Variants in NUP93 observed in about 807,000 individuals in gnomAD.
NUP93 encodes nuclear pore complex protein Nup93.
In NUP93, 55 loss-of-function variants were observed where a neutral mutation model predicts 107.8. The ratio of observed to expected loss-of-function variants is 0.51; its 90% CI spans 0.41 to 0.64. The LOEUF is 0.64. Among genes scored for constraint, NUP93 ranks in the 30% least tolerant of loss-of-function variants. NUP93 has a pLI of 0.00. For missense variants in NUP93, 937 were observed against 1,044.7 expected, an observed-to-expected ratio of 0.90 and a Z score of 1.42; for synonymous variants, 390 against 397.5, an observed-to-expected ratio of 0.98 and a Z score of 0.22.
At chr16:56,747,358 A>G (rs1261105148) in intron 1 of NUP93, among the ~76,000 whole-genome samples, 1 of 152,204 alleles carries the variant, frequency 6.6e-6, no homozygotes, top group Non-Finnish European at 1.5e-5. Flanking sequence ...AGGAGTTAAA[A>G]ACATTCTCTT....
intron 21 of NUP93, among the ~76,000 whole-genome samples, chr16:56,844,210 T>C (rs1215402002): frequency 6.6e-6 from 1 of 152,096 alleles, no homozygotes; most frequent in East Asian, 1.9e-4. Context: ...GCTAGCCAAA[T>C]GTGTTGGGGC....
intron 1 of NUP93, among the ~76,000 whole-genome samples, chr16:56,743,892 T>C (rs1215639041): frequency 6.6e-6 from 1 of 152,184 alleles, no homozygotes; most frequent in African/African-American, 2.4e-5. Context: ...GTCCTACTTA[T>C]AGGGAGAGTA....
At chr16:56,790,923 G>T (rs1307706428) in intron 3 of NUP93, among the ~76,000 whole-genome samples, 2 of 152,030 alleles carry the variant, frequency 1.3e-5, no homozygotes, top group African/African-American at 2.4e-5. Flanking sequence ...GCTGTTGCTT[G>T]TGTCTTAGCA....
At position 56,849,716 on chromosome 16, in the gene NUP93, C is replaced by G. The variant is rs1964155051; in HGVS notation, c.*5107C>G. On this transcript the variant is annotated 3_prime_UTR_variant, in exon 22 of 22. Coordinates refer to ENST00000308159, the MANE Select transcript of NUP93 (RefSeq NM_014669.5). ...TTCCTAGTGTAAGTATGTCCCAGTT[C>G]TATGTGGCTGCCCTACCTGGGCTTG... is the stretch of plus-strand genomic sequence containing the variant. 1 of 152,246 alleles carries G rather than the reference C, an allele frequency of 6.6e-6. No individual in the cohort carries two copies. The highest frequency in any genetic ancestry group is 2.4e-5 in the African/African-American group (1 of 41,458). 9.4% of individuals were successfully genotyped at this position (152,246 alleles called of 1,614,324 possible).
At chr16:56,816,823 C>T (rs1316497201) in intron 5 of NUP93, among the ~76,000 whole-genome samples, 1 of 152,150 alleles carries the variant, frequency 6.6e-6, no homozygotes, top group Admixed American at 6.5e-5. Flanking sequence ...TGAAATCTGC[C>T]ATGGTGGGAG....
chr16:56,835,302 C>T (rs1005666339), intron 16 of NUP93, among the ~76,000 whole-genome samples: 1 of 152,176 alleles, frequency 6.6e-6, no homozygotes. Context: ...TGTCAGAGAC[C>T]AGTCATGACC....
At chr16:56,842,346 A>G (rs1964041627) in intron 21 of NUP93, among the ~76,000 whole-genome samples, 1 of 152,106 alleles carries the variant, frequency 6.6e-6, no homozygotes, top group Admixed American at 6.5e-5. Flanking sequence ...GGTGGCAGGT[A>G]GGTGAAGGGG....
intron 3 of NUP93, chr16:56,784,016 G>A: frequency 2.3e-6 from 1 of 432,186 alleles, no homozygotes; most frequent in Non-Finnish European, 3.1e-6. Flanking sequence ...TTTTTTTAAT[G>A]TATTTCTCAA....
intron 3 of NUP93, among the ~76,000 whole-genome samples, chr16:56,767,408 A>T (rs1489947093): frequency 6.6e-6 from 1 of 152,256 alleles, no homozygotes; most frequent in Non-Finnish European, 1.5e-5. Context: ...TGTTTAATTT[A>T]TAAAACAAAA....
intron 3 of NUP93, among the ~76,000 whole-genome samples, chr16:56,774,343 A>T (rs1962373909): frequency 6.6e-6 from 1 of 152,204 alleles, no homozygotes; most frequent in Non-Finnish European, 1.5e-5. Context: ...TTTATTCATT[A>T]ACCTGATTTC....
Position 56,839,527 on chromosome 16 carries a change from G to T in NUP93, c.2143G>T (p.Glu715Ter), listed in dbSNP as rs1466398684. The T allele has an allele frequency of 8.1e-6, 13 of 1,611,420 alleles. No homozygotes were observed. The Admixed American group carries it at 2.2e-4, about 27-fold the overall frequency. Residue 715 changes from glutamate to a stop codon, truncating the protein, a stop_gained, in exon 20 of 22, where the codon GAG becomes TAG. Coordinates refer to ENST00000308159, the MANE Select transcript of NUP93 (RefSeq NM_014669.5). LOFTEE classifies it high-confidence loss of function. ...GHIDRAFDIIERLKLVPLNQE... is the reference protein window; with the variant it reads ...GHIDRAFDII ...CGGTGGTTGTTTTAAACAGATCATTGAGCGCTTGAAGCTGGTGCCCCTGAA... is the reference window on the plus strand; with the variant it reads ...CGGTGGTTGTTTTAAACAGATCATTTAGCGCTTGAAGCTGGTGCCCCTGAA...
intron 3 of NUP93, among the ~76,000 whole-genome samples, chr16:56,788,554 G>T (rs1162808936): frequency 6.6e-6 from 1 of 152,222 alleles, no homozygotes; most frequent in Non-Finnish European, 1.5e-5. Flanking sequence ...TCCATACGGA[G>T]TCTCAGAGCC....
At chr16:56,837,100 A>G (rs1433175049) in intron 17 of NUP93, among the ~76,000 whole-genome samples, 1 of 152,236 alleles carries the variant, frequency 6.6e-6, no homozygotes, top group Admixed American at 6.5e-5. Flanking sequence ...ATCAGTGTGC[A>G]GGAAGGAGTG....
chr16:56,732,095 C>T (rs1402120167), intron 1 of NUP93, among the ~76,000 whole-genome samples: 2 of 152,332 alleles, frequency 1.3e-5, no homozygotes, highest in South Asian at 4.1e-4. Flanking sequence ...ATGTAGTTTG[C>T]ACTCACTTCT....
At chr16:56,804,609 T>A (rs1963092202) in intron 4 of NUP93, among the ~76,000 whole-genome samples, 1 of 152,054 alleles carries the variant, frequency 6.6e-6, no homozygotes, top group Non-Finnish European at 1.5e-5. Flanking sequence ...AACTATACAC[T>A]TAAAAATGGT....
intron 21 of NUP93, among the ~76,000 whole-genome samples, chr16:56,843,036 A>G (rs1358925469): frequency 1.3e-5 from 2 of 152,128 alleles, no homozygotes; most frequent in Non-Finnish European, 2.9e-5. Flanking sequence ...ATGGTTGTTG[A>G]CAAAACTTGT....
At chr16:56,819,727 A>G (rs1567404358) in intron 6 of NUP93, among the ~76,000 whole-genome samples, 1 of 152,252 alleles carries the variant, frequency 6.6e-6, no homozygotes, top group Non-Finnish European at 1.5e-5. Flanking sequence ...GGCATTCCAC[A>G]TGAATTGAAT....
intron 2 of NUP93, 125 bp downstream of exon 2, chr16:56,748,551 T>A: frequency 1.2e-6 from 1 of 811,542 alleles, no homozygotes; most frequent in Non-Finnish European, 1.9e-6. Context: ...TCTTGGGAAC[T>A]CAGAAAGTGT....
intron 15 of NUP93, 56 bp from the exon 16 acceptor site, chr16:56,834,678 T>C (rs1264126624): frequency 3.0e-5 from 44 of 1,487,460 alleles, no homozygotes; most frequent in South Asian, 8.1e-5. Flanking sequence ...TGAAGACTTA[T>C]GGAATATGTT....
Sources: gnomAD v4.1 joint callset for allele counts (sites outside exome capture counted in the v4.1 genomes callset) on GRCh38, gnomAD v4.1.1 for gene constraint, MANE v1.5 for transcripts, NCBI Gene and HGNC (gene_info 2026-07-23, HGNC 2026-07-21) for gene names.